Variants in ZNF148 observed in about 807,000 individuals in gnomAD.
The protein encoded by ZNF148 is Beta-Enolase Repressor Factor-1.
Under a neutral mutation model 67.7 loss-of-function variants are expected in ZNF148, and 7 were observed. That is an observed-to-expected ratio of 0.10 (90% CI 0.06 to 0.19). The LOEUF is 0.19. Among genes scored for constraint, ZNF148 ranks in the 10% least tolerant of loss-of-function variants. ZNF148 has a pLI of 1.00. For synonymous variants in ZNF148, 333 were observed against 330.7 expected (o/e 1.01, Z -0.08); for missense variants, 583 against 947.1 (o/e 0.62, Z 5.05).
intron 5 of ZNF148, among the ~76,000 whole-genome samples, chr3:125,285,585 G>A (rs556709880): frequency 3.9e-4 from 59 of 152,042 alleles, no homozygotes; most frequent in African/African-American, 1.4e-3. Flanking sequence ...CCAGAGACAG[G>A]GTTCCACAAT....
At chr3:125,287,981 C>A in intron 5 of ZNF148, 122 bp downstream of exon 5, 1 of 1,403,224 alleles carries the variant, frequency 7.1e-7, no homozygotes, top group South Asian at 1.4e-5. Context: ...CACGCACCCC[C>A]TCCTACTAAA....
chr3:125,346,706 G>A (rs1012867425), intron 1 of ZNF148, among the ~76,000 whole-genome samples: 1 of 152,138 alleles, frequency 6.6e-6, no homozygotes, highest in African/African-American at 2.4e-5. Flanking sequence ...ATGTGAAGAA[G>A]GTCCTTATCT....
intron 7 of ZNF148, among the ~76,000 whole-genome samples, chr3:125,241,713 A>T (rs73193472): frequency 0.072 from 10,895 of 152,244 alleles, 552 homozygotes; most frequent in Non-Finnish European, 0.099. Context: ...TTTGTACTGG[A>T]TAACTTGTAA....
chr3:125,265,198 T>A (rs1286141010), intron 7 of ZNF148, among the ~76,000 whole-genome samples: 7 of 152,270 alleles, frequency 4.6e-5, no homozygotes, highest in Non-Finnish European at 1.0e-4. Flanking sequence ...GCCTAGATAA[T>A]GTTAGACACT....
intron 1 of ZNF148, among the ~76,000 whole-genome samples, chr3:125,353,260 A>C (rs1285110412): frequency 2.0e-5 from 3 of 152,156 alleles, no homozygotes; most frequent in African/African-American, 7.2e-5. Flanking sequence ...GATAGTAAAC[A>C]GTTTGCCAGG....
chr3:125,293,745 G>A (rs1939140829), intron 4 of ZNF148, among the ~76,000 whole-genome samples: 2 of 151,996 alleles, frequency 1.3e-5, no homozygotes, highest in South Asian at 2.1e-4. Context: ...AATAAATGGA[G>A]GAAATGGGAC....
intron 4 of ZNF148, among the ~76,000 whole-genome samples, chr3:125,290,841 A>C (rs1938970429): frequency 6.6e-6 from 1 of 152,186 alleles, no homozygotes; most frequent in African/African-American, 2.4e-5. Flanking sequence ...GTAGAAATTC[A>C]AAGGGAGAAA....
chr3:125,329,345 TTTTACATATATA>T (rs765913854), intron 2 of ZNF148, among the ~76,000 whole-genome samples: 187 of 14,676 alleles, frequency 0.013, 3 homozygotes, highest in African/African-American at 0.027. Flanking sequence ...ATATATAAAA[TTTTACATATATA>T]AAATTTTTTT....
chr3:125,290,387 G>A (rs1179949532), intron 4 of ZNF148, among the ~76,000 whole-genome samples: 1 of 151,898 alleles, frequency 6.6e-6, no homozygotes, highest in Non-Finnish European at 1.5e-5. Flanking sequence ...TGACTTTAAA[G>A]AGTCCTCCCT....
intron 7 of ZNF148, among the ~76,000 whole-genome samples, chr3:125,276,745 T>C (rs1938098789): frequency 6.6e-6 from 1 of 152,150 alleles, no homozygotes; most frequent in African/African-American, 2.4e-5. Flanking sequence ...AGTTAAAGTT[T>C]TATTTAAGCA....
chr3:125,242,650 AC>A (rs1162044541), intron 7 of ZNF148, among the ~76,000 whole-genome samples: 1 of 152,228 alleles, frequency 6.6e-6, no homozygotes, highest in Non-Finnish European at 1.5e-5. Flanking sequence ...AACAAAAAAA[AC>A]AAAAATGAAA....
intron 4 of ZNF148, among the ~76,000 whole-genome samples, chr3:125,299,222 G>A (rs1939456309): frequency 6.6e-6 from 1 of 152,170 alleles, no homozygotes; most frequent in Non-Finnish European, 1.5e-5. Flanking sequence ...TACATACCCT[G>A]TCCTAAATGA....
At chr3:125,317,675 A>AGAGAGAGAGAGAGAGAGG in intron 3 of ZNF148, among the ~76,000 whole-genome samples, 3 of 126,104 alleles carry the variant, frequency 2.4e-5, no homozygotes, top group Non-Finnish European at 5.1e-5. Context: ...AGAGAGAGAG[A>AGAGAGAGAGAGAGAGAGG]GAGAAATACA....
intron 3 of ZNF148, among the ~76,000 whole-genome samples, chr3:125,318,937 G>C (rs1447813980): frequency 6.6e-6 from 1 of 152,080 alleles, no homozygotes; most frequent in African/African-American, 2.4e-5. Flanking sequence ...ACTGTCTACA[G>C]GGGTATCTAG....
At chr3:125,369,382 C>A (rs1261120047) in intron 1 of ZNF148, among the ~76,000 whole-genome samples, 2 of 72,732 alleles carry the variant, frequency 2.7e-5, no homozygotes, top group African/African-American at 6.1e-5. Context: ...ATACTGCAAC[C>A]TCAAAAAAAA....
intron 1 of ZNF148, among the ~76,000 whole-genome samples, chr3:125,353,119 T>G (rs537049971): frequency 5.9e-5 from 9 of 152,326 alleles, no homozygotes; most frequent in African/African-American, 1.4e-4. Context: ...CATAACCTCT[T>G]TATTCATAAT....
chr3:125,352,550 T>A (rs953380641), intron 1 of ZNF148, among the ~76,000 whole-genome samples: 2 of 151,322 alleles, frequency 1.3e-5, no homozygotes, highest in East Asian at 3.9e-4. Context: ...TATACCTCAA[T>A]AACACCGTTT....
intron 7 of ZNF148, among the ~76,000 whole-genome samples, chr3:125,270,619 T>C (rs1937683177): frequency 6.6e-6 from 1 of 152,226 alleles, no homozygotes; most frequent in Admixed American, 6.5e-5. Context: ...GAAACTTATC[T>C]TGTTTCAGAG....
At chr3:125,241,445 G>A (rs1235763613) in intron 7 of ZNF148, among the ~76,000 whole-genome samples, 1 of 151,560 alleles carries the variant, frequency 6.6e-6, no homozygotes, top group Non-Finnish European at 1.5e-5. Flanking sequence ...CAGGTTTCTT[G>A]ACACAACATA....
Sources: gnomAD v4.1 joint callset for allele counts (sites outside exome capture counted in the v4.1 genomes callset) on GRCh38, gnomAD v4.1.1 for gene constraint, MANE v1.5 for transcripts, NCBI Gene and HGNC (gene_info 2026-07-23, HGNC 2026-07-21) for gene names.